The following SLC25A21 variants were observed in gnomAD, a reference collection of about 807,000 sequenced individuals.
The protein encoded by SLC25A21 is solute carrier family 25 member 21.
In SLC25A21, 47 loss-of-function variants were observed where a neutral mutation model predicts 43.8. That is an observed-to-expected ratio of 1.07 (90% CI 0.85 to 1.37). The LOEUF (loss-of-function observed/expected upper bound fraction) is 1.37. Among genes scored for constraint, SLC25A21 ranks in the 40% most tolerant of loss-of-function variants. The pLI, the probability that SLC25A21 is intolerant of heterozygous loss-of-function variation, is 0.00. For synonymous variants in SLC25A21, 131 were observed against 121.3 expected (o/e 1.08, Z -0.52); for missense variants, 352 against 350.2 (o/e 1.00, Z -0.04).
intron 1 of SLC25A21, among the ~76,000 whole-genome samples, chr14:37,027,586 G>A (rs1961120364): frequency 6.6e-6 from 1 of 152,182 alleles, no homozygotes; most frequent in Non-Finnish European, 1.5e-5. Context: ...TCCGGAGTGT[G>A]CTCAGCGGCT....
chr14:37,169,131 C>G (rs1390716186), intron 1 of SLC25A21, among the ~76,000 whole-genome samples: 1 of 152,146 alleles, frequency 6.6e-6, no homozygotes, highest in African/African-American at 2.4e-5. Context: ...CCACTCATCC[C>G]ACCTATCCTC....
intron 1 of SLC25A21, among the ~76,000 whole-genome samples, chr14:37,037,975 C>G (rs1961364848): frequency 6.6e-6 from 1 of 152,132 alleles, no homozygotes; most frequent in African/African-American, 2.4e-5. Flanking sequence ...TTCTTTTGTT[C>G]TTTCCTTTGC....
intron 7 of SLC25A21, among the ~76,000 whole-genome samples, chr14:36,701,467 C>A (rs1883273611): frequency 1.3e-5 from 2 of 152,150 alleles, no homozygotes; most frequent in Non-Finnish European, 2.9e-5. Context: ...CTAAATGTAG[C>A]CATTCAGAAA....
intron 1 of SLC25A21, among the ~76,000 whole-genome samples, chr14:36,958,681 A>AAGCACACGTGCGCGCG (rs1959407860): frequency 2.3e-5 from 1 of 43,374 alleles, no homozygotes; most frequent in Non-Finnish European, 4.7e-5. Context: ...GCACACGTGC[A>AAGCACACGTGCGCGCG]CACACACACA....
intron 1 of SLC25A21, among the ~76,000 whole-genome samples, chr14:37,159,043 A>G (rs1963895865): frequency 6.6e-6 from 1 of 152,000 alleles, no homozygotes; most frequent in Non-Finnish European, 1.5e-5. Context: ...TAAAAGATCT[A>G]TACAAGGAAA....
chr14:36,881,414 C>T (rs1181769375), intron 1 of SLC25A21, among the ~76,000 whole-genome samples: 1 of 152,064 alleles, frequency 6.6e-6, no homozygotes, highest in African/African-American at 2.4e-5. Context: ...TTGCCCATGA[C>T]CACTGATAGA....
At chr14:36,843,784 T>C (rs1264883852) in intron 2 of SLC25A21, among the ~76,000 whole-genome samples, 2 of 152,210 alleles carry the variant, frequency 1.3e-5, no homozygotes, top group African/African-American at 4.8e-5. Flanking sequence ...TACCTAATGT[T>C]CAGTACACAT....
intron 2 of SLC25A21, among the ~76,000 whole-genome samples, chr14:36,829,746 C>G (rs188685394): frequency 6.6e-6 from 1 of 152,184 alleles, no homozygotes; most frequent in Non-Finnish European, 1.5e-5. Context: ...AAGGACATCA[C>G]GCAAACGTGC....
In SLC25A21 at chr14:36,680,429, A is replaced by G. The variant is rs944367121; in HGVS notation, c.*229T>C. On this transcript the variant is annotated 3_prime_UTR_variant, in exon 10 of 10. Transcript: ENST00000331299. ...TGCTATTTTTCTATATTCACTTTAA[A>G]TACCTCATTGTTTCATATTATTTTT... The G allele has an allele frequency of 2.6e-4, 303 of 1,152,804 alleles. No individual in the cohort carries two copies. The highest frequency in any genetic ancestry group is 2.4e-4 in the Non-Finnish European group (226 of 929,720). The allele number at this position is 1,152,804 out of a possible 1,614,324, so 71.4% of individuals were successfully genotyped here.
intron 1 of SLC25A21, among the ~76,000 whole-genome samples, chr14:37,070,394 T>G (rs1962146405): frequency 6.6e-6 from 1 of 152,220 alleles, no homozygotes; most frequent in Admixed American, 6.5e-5. Flanking sequence ...TTCTATTCAT[T>G]GTAGACCTCT....
chr14:36,949,560 C>T (rs1029613780), intron 1 of SLC25A21, among the ~76,000 whole-genome samples: 30 of 152,338 alleles, frequency 2.0e-4, no homozygotes, highest in Middle Eastern at 3.4e-3. Flanking sequence ...TGCACTTCCT[C>T]CCCGCTGCCT....
intron 3 of SLC25A21, among the ~76,000 whole-genome samples, chr14:36,794,637 C>T (rs768552330): frequency 9.9e-5 from 15 of 151,926 alleles, no homozygotes; most frequent in African/African-American, 2.2e-4. Flanking sequence ...GTGTGGGTGG[C>T]GCATGCCTGT....
At chr14:36,807,011 G>C (rs1257008280) in intron 3 of SLC25A21, 1 of 152,148 alleles carries the variant, frequency 6.6e-6, no homozygotes, top group Non-Finnish European at 1.5e-5. Flanking sequence ...CAAAAAGAAG[G>C]GGAGTGAAGG....
chr14:37,126,817 T>C (rs1363781222), intron 1 of SLC25A21, among the ~76,000 whole-genome samples: 1 of 152,224 alleles, frequency 6.6e-6, no homozygotes, highest in Non-Finnish European at 1.5e-5. Flanking sequence ...GACATTTTAG[T>C]TTCCCTTGCA....
chr14:37,137,243 C>T (rs1429971375), intron 1 of SLC25A21, among the ~76,000 whole-genome samples: 2 of 152,064 alleles, frequency 1.3e-5, no homozygotes, highest in African/African-American at 4.8e-5. Context: ...GTGATCCGCC[C>T]GCCTCGGCCT....
chr14:36,685,499 C>T (rs1414421374), intron 7 of SLC25A21, among the ~76,000 whole-genome samples: 1 of 152,202 alleles, frequency 6.6e-6, no homozygotes, highest in Non-Finnish European at 1.5e-5. Context: ...CTTGGGGCGG[C>T]TGCAAAACAG....
At chr14:36,712,253 A>G (rs1001875146) in intron 6 of SLC25A21, among the ~76,000 whole-genome samples, 2 of 152,228 alleles carry the variant, frequency 1.3e-5, no homozygotes, top group Non-Finnish European at 2.9e-5. Context: ...GTTTAAAAAA[A>G]AATGTATGAG....
chr14:36,793,808 C>T (rs1887576187), intron 3 of SLC25A21, among the ~76,000 whole-genome samples: 1 of 151,564 alleles, frequency 6.6e-6, no homozygotes, highest in East Asian at 1.9e-4. Context: ...TCTCCTCTGG[C>T]ATTTTCTTTT....
chr14:36,892,456 G>A (rs1215645485), intron 1 of SLC25A21, among the ~76,000 whole-genome samples: 3 of 151,974 alleles, frequency 2.0e-5, no homozygotes, highest in Non-Finnish European at 2.9e-5. Context: ...ATAAAAAGAA[G>A]GAAATCCTGT....
Sources: allele counts gnomAD v4.1 joint callset (sites outside exome capture counted in the v4.1 genomes callset), GRCh38; gene constraint gnomAD v4.1.1; transcripts MANE v1.5; gene names NCBI Gene and HGNC (gene_info 2026-07-23, HGNC 2026-07-21).